FSTL5: variants seen among roughly 807,000 people sequenced by gnomAD.
FSTL5 encodes the protein follistatin-related protein 5.
A neutral mutation model predicts 89.1 loss-of-function variants in FSTL5; 62 were observed. The observed-to-expected ratio is 0.70, with a 90% CI of 0.57 to 0.86. The LOEUF (loss-of-function observed/expected upper bound fraction) is 0.86, where lower values mean the gene tolerates loss of function less well. Among genes scored for constraint, FSTL5 ranks in the 40% least tolerant of loss-of-function variants. The probability of loss-of-function intolerance (pLI) is 0.00; values close to 1 mark genes in which losing one functional copy is unlikely to be tolerated. For missense variants in FSTL5, 1,057 were observed against 1,001.6 expected (o/e 1.06, Z -0.75); for synonymous variants, 383 against 346.2 (o/e 1.11, Z -1.18).
intron 6 of FSTL5, among the ~76,000 whole-genome samples, chr4:161,731,252 T>C (rs1739599257): frequency 6.6e-6 from 1 of 152,114 alleles, no homozygotes; most frequent in African/African-American, 2.4e-5. Context: ...CTAGGTATCC[T>C]TTCCTTGCAC....
At chr4:161,407,854 T>C (rs918501893) in intron 15 of FSTL5, among the ~76,000 whole-genome samples, 2 of 152,142 alleles carry the variant, frequency 1.3e-5, no homozygotes, top group Admixed American at 6.5e-5. Flanking sequence ...CCTCAATGTG[T>C]TCCAACAGCT....
At chr4:161,737,423 GGAA>G (rs1739858077) in intron 6 of FSTL5, among the ~76,000 whole-genome samples, 1 of 151,848 alleles carries the variant, frequency 6.6e-6, no homozygotes, top group South Asian at 2.1e-4. Flanking sequence ...CGTAATGTGG[GGAA>G]GAAGACCACA....
intron 15 of FSTL5, among the ~76,000 whole-genome samples, chr4:161,395,445 A>C (rs1240326595): frequency 6.6e-6 from 1 of 152,140 alleles, no homozygotes; most frequent in Non-Finnish European, 1.5e-5. Flanking sequence ...ATTGCAATTA[A>C]AAATGACTGA....
rs185539025 is a variant in FSTL5, at chr4:161,749,801, A to G, written c.727+9610T>C. 1.2e-4 allele frequency among the ~76,000 whole-genome samples: 18 copies of G among 151,376 alleles called. No homozygotes were observed. In the East Asian group the frequency reaches 3.5e-3, roughly 29 times the overall value. The stretch of plus-strand genomic sequence containing the variant: ...AGCGAGACTCCGTCAAAAAAAAAAT[A>G]AAAATAAAAATAAATAAATAAATAA... On this transcript the variant is annotated intron_variant, in intron 6 of 15. Coordinates refer to ENST00000306100, the MANE Select transcript of FSTL5 (RefSeq NM_020116.5).
chr4:161,724,351 C>A (rs544879053), intron 6 of FSTL5, among the ~76,000 whole-genome samples: 1 of 151,704 alleles, frequency 6.6e-6, no homozygotes, highest in Non-Finnish European at 1.5e-5. Flanking sequence ...ACTAATAGGC[C>A]GATGTACATA....
chr4:162,082,477 T>C (rs1730137761), intron 2 of FSTL5, among the ~76,000 whole-genome samples: 1 of 151,524 alleles, frequency 6.6e-6, no homozygotes, highest in African/African-American at 2.4e-5. Flanking sequence ...ACTTTATTAG[T>C]TCCTTATTCC....
chr4:162,067,376 A>G (rs1738955076), intron 2 of FSTL5, among the ~76,000 whole-genome samples: 1 of 151,732 alleles, frequency 6.6e-6, no homozygotes, highest in South Asian at 2.1e-4. Flanking sequence ...CTTATTGTTG[A>G]GTTTTAAAAG....
chr4:161,476,520 C>T (rs1362938589), intron 13 of FSTL5, among the ~76,000 whole-genome samples: 1 of 151,924 alleles, frequency 6.6e-6, no homozygotes, highest in Non-Finnish European at 1.5e-5. Flanking sequence ...GCAATTTTTG[C>T]TTTTGTTTAT....
chr4:161,497,448 T>C (rs1369660273), intron 12 of FSTL5, among the ~76,000 whole-genome samples: 1 of 152,056 alleles, frequency 6.6e-6, no homozygotes, highest in East Asian at 1.9e-4. Context: ...TCACCTTAAA[T>C]TTTGAGCTGT....
intron 6 of FSTL5, among the ~76,000 whole-genome samples, chr4:161,671,232 G>T (rs1490562809): frequency 6.6e-6 from 1 of 152,200 alleles, no homozygotes; most frequent in Non-Finnish European, 1.5e-5. Flanking sequence ...TTGCAGAAGA[G>T]TTAAGTATAT....
At chr4:161,603,342 T>C (rs1170153844) in intron 7 of FSTL5, among the ~76,000 whole-genome samples, 1 of 152,180 alleles carries the variant, frequency 6.6e-6, no homozygotes, top group Non-Finnish European at 1.5e-5. Context: ...GCATTACGTT[T>C]AAAAATAAGG....
At chr4:161,889,106 C>CT (rs1232020317) in intron 4 of FSTL5, among the ~76,000 whole-genome samples, 2 of 151,920 alleles carry the variant, frequency 1.3e-5, no homozygotes, top group Admixed American at 6.6e-5. Context: ...AAAATGTATC[C>CT]TTTTTTCTTC....
At chr4:161,588,164 ACT>A (rs1194338566) in intron 7 of FSTL5, among the ~76,000 whole-genome samples, 3 of 152,104 alleles carry the variant, frequency 2.0e-5, no homozygotes, top group African/African-American at 7.2e-5. Context: ...ACAGAGTGAG[ACT>A]CTGTCTCTAA....
rs116206123 is a variant in FSTL5, at chr4:161,622,666, C to T, written c.894+33662G>A. On this transcript the variant is annotated intron_variant, in intron 7 of 15. Transcript: ENST00000306100. ...CTAAGTTAAGAGAATGATTTAATTA[C>T]ACTAGCAGATGAAGGCAAACAATTT... Among the ~76,000 whole-genome samples the T allele has an allele frequency of 9.7e-3, 1,474 of 152,058 alleles. 9 individuals are homozygous for T. The highest frequency in any genetic ancestry group is 0.017 in the Non-Finnish European group (1,128 of 67,948).
chr4:161,881,231 C>A (rs962278132), intron 4 of FSTL5, among the ~76,000 whole-genome samples: 5 of 149,020 alleles, frequency 3.4e-5, no homozygotes, highest in African/African-American at 1.2e-4. Flanking sequence ...TTTAATAAAT[C>A]TAGTTTATCA....
intron 7 of FSTL5, among the ~76,000 whole-genome samples, chr4:161,652,827 A>G (rs1244838180): frequency 9.2e-5 from 14 of 152,154 alleles, no homozygotes; most frequent in African/African-American, 2.9e-4. Flanking sequence ...AAAGTCAGAA[A>G]GGATATTGCA....
At chr4:161,643,803 A>T (rs1341111159) in intron 7 of FSTL5, among the ~76,000 whole-genome samples, 1 of 152,234 alleles carries the variant, frequency 6.6e-6, no homozygotes, top group Non-Finnish European at 1.5e-5. Flanking sequence ...CAGTTGATTG[A>T]TAATTCTGCA....
intron 2 of FSTL5, among the ~76,000 whole-genome samples, chr4:162,055,478 GTATC>G (rs1206656180): frequency 6.6e-6 from 1 of 151,434 alleles, no homozygotes; most frequent in Non-Finnish European, 1.5e-5. Context: ...ATTTAAAAAT[GTATC>G]TATTGACCCA....
At chr4:162,078,252 C>CTA (rs1729948598) in intron 2 of FSTL5, among the ~76,000 whole-genome samples, 1 of 151,728 alleles carries the variant, frequency 6.6e-6, no homozygotes, top group African/African-American at 2.4e-5. Flanking sequence ...GCATGTACTG[C>CTA]TATATATACC....
Sources: gnomAD v4.1 joint callset for allele counts (sites outside exome capture counted in the v4.1 genomes callset) on GRCh38, gnomAD v4.1.1 for gene constraint, MANE v1.5 for transcripts, NCBI Gene and HGNC (gene_info 2026-07-23, HGNC 2026-07-21) for gene names.